The following AMDHD1 variants were observed in gnomAD, a reference collection of about 807,000 sequenced individuals.
AMDHD1 encodes the protein probable imidazolonepropionase.
Under a neutral mutation model 44.1 loss-of-function variants are expected in AMDHD1, and 45 were observed. That is an observed-to-expected ratio of 1.02 (90% CI 0.80 to 1.31). The LOEUF is 1.31. AMDHD1 is among the 50% of genes most tolerant of loss of function. AMDHD1 has a pLI of 0.00. For missense variants in AMDHD1, 586 were observed against 552.1 expected, an observed-to-expected ratio of 1.06 and a Z score of -0.61; for synonymous variants, 206 against 205.0, an observed-to-expected ratio of 1.00 and a Z score of -0.04.
chr12:95,965,915 TAG>T (rs1272088016), intron 7 of AMDHD1, 136 bp downstream of exon 7: 1 of 614,280 alleles, frequency 1.6e-6, no homozygotes, highest in Non-Finnish European at 2.6e-6. Context: ...AAAAAAGGGG[TAG>T]ACAGCAGTGT....
chr12:95,955,074 A>T (rs1263999023), intron 3 of AMDHD1, 99 bp downstream of exon 3: 1 of 1,140,404 alleles, frequency 8.8e-7, no homozygotes, highest in Non-Finnish European at 1.3e-6. Context: ...ATATGTCAAC[A>T]TATTTTTTAA....
intron 4 of AMDHD1, among the ~76,000 whole-genome samples, chr12:95,959,197 A>C (rs1422134279): frequency 3.3e-5 from 5 of 152,230 alleles, no homozygotes; most frequent in Non-Finnish European, 7.3e-5. Flanking sequence ...TATAGGGCTG[A>C]AGTTTCACAG....
At chr12:95,949,337 GCATCATCCTCCTTA>G (rs2080516658) in intron 1 of AMDHD1, among the ~76,000 whole-genome samples, 1 of 151,904 alleles carries the variant, frequency 6.6e-6, no homozygotes. Flanking sequence ...ACTCAAAGAA[GCATCATCCTCCTTA>G]AATCATCATC....
Position 95,952,418 on chromosome 12 carries a change from GT to G in AMDHD1, c.138-293del, listed in dbSNP as rs533055315. Among the ~76,000 whole-genome samples the G allele has an allele frequency of 3.7e-3, 563 of 152,210 alleles. 2 individuals carry two copies. The highest frequency in any genetic ancestry group is 0.013 in the African/African-American group (539 of 41,530). On this transcript the variant is annotated intron_variant, in intron 1 of 8. Coordinates refer to ENST00000266736, the MANE Select transcript of AMDHD1 (RefSeq NM_152435.3). ...TTCTGTTCCACTGGTCTATGTGTCT[GT>G]TTTTTATGCCAGTACCATGCTCTTT... is the stretch of plus-strand genomic sequence containing the variant.
chr12:95,967,736 GTTTT>G lies in AMDHD1; in HGVS notation c.1194-8_1194-5del. 1.0e-5 allele frequency: 13 copies of G among 1,259,360 alleles called. No homozygotes were observed. Among genetic ancestry groups the G allele is most frequent in the Admixed American group, 2.9e-5 (1 of 34,672 alleles). The allele number at this position is 1,259,360 out of a possible 1,614,324, so 78.0% of individuals were successfully genotyped here. A position where few individuals can be genotyped will look rare whatever the true frequency, so the allele number is the denominator to read the frequency against. On this transcript the variant is annotated splice_polypyrimidine_tract_variant and intron_variant, in intron 8 of 8. Coordinates refer to ENST00000266736, the MANE Select transcript of AMDHD1 (RefSeq NM_152435.3). Reference sequence around the variant, plus strand: ...TGCACACATTGAAGTAATATTTGTTGTTTTTTTTTTTTTTTCTAGATGGGAGCAT... The same window carrying G: ...TGCACACATTGAAGTAATATTTGTTGTTTTTTTTTTTCTAGATGGGAGCAT...
Position 95,960,450 on chromosome 12 carries a change from A to G in AMDHD1, c.640A>G (p.Lys214Glu), listed in dbSNP as rs779079130. Residue 214 changes from lysine to glutamate, a missense_variant, in exon 5 of 9, where the codon AAG becomes GAG. By Grantham distance (56) the Lys-to-Glu change is moderately conservative. Transcript: ENST00000266736. ...TGACATCATCAATAACCACCTCCCA[A>G]AGCTGAAGGAACTTGGCAGAAATGG... ...ADDIINNHLP[K>E]LKELGRNGEI... is the part of the protein sequence containing the mutation. 1.2e-6 allele frequency: 2 copies of G among 1,614,176 alleles called. No homozygotes were observed.
chr12:95,945,798 A>G (rs191259579), intron 1 of AMDHD1, among the ~76,000 whole-genome samples: 30 of 151,686 alleles, frequency 2.0e-4, no homozygotes, highest in African/African-American at 6.3e-4. Context: ...TTTTTTTCCC[A>G]ACAAGTATAT....
At chr12:95,953,890 A>G (rs2080536892) in intron 2 of AMDHD1, among the ~76,000 whole-genome samples, 1 of 152,126 alleles carries the variant, frequency 6.6e-6, no homozygotes, top group Non-Finnish European at 1.5e-5. Context: ...CTTCCTTATG[A>G]TTCTTGAGAG....
At chr12:95,963,175 AGGT>A (rs1259369468) in intron 6 of AMDHD1, among the ~76,000 whole-genome samples, 10 of 152,228 alleles carry the variant, frequency 6.6e-5, no homozygotes, top group African/African-American at 2.4e-4. Context: ...TCTTAGGACT[AGGT>A]GCTTTCTGTG....
intron 1 of AMDHD1, among the ~76,000 whole-genome samples, chr12:95,945,149 A>C (rs2080489428): frequency 6.6e-6 from 1 of 152,086 alleles, no homozygotes; most frequent in South Asian, 2.1e-4. Flanking sequence ...TAAATAAATA[A>C]ATACATAAAT....
At chr12:95,957,111 C>A in intron 4 of AMDHD1, 149 bp downstream of exon 4, 1 of 1,122,624 alleles carries the variant, frequency 8.9e-7, no homozygotes, top group South Asian at 1.5e-5. Context: ...ATCCCGCAGA[C>A]TCGGTTTTAG....
At chr12:95,960,286 C>T (rs1011293062) in intron 4 of AMDHD1, 112 bp from the exon 5 acceptor site, 67 of 866,608 alleles carry the variant, frequency 7.7e-5, no homozygotes, top group Admixed American at 1.6e-4. Context: ...CTTTCTGAGG[C>T]TTGAAGTCAT....
chr12:95,965,298 C>CAAAAAA (rs34398121), intron 6 of AMDHD1, among the ~76,000 whole-genome samples: 4 of 94,760 alleles, frequency 4.2e-5, no homozygotes, highest in Non-Finnish European at 8.2e-5. Context: ...GATTCCATCT[C>CAAAAAA]AAAAAAAAAA....
At chr12:95,966,304 G>A in intron 7 of AMDHD1, 44 bp from the exon 8 acceptor site, 2 of 1,605,428 alleles carry the variant, frequency 1.2e-6, no homozygotes, top group African/African-American at 1.3e-5. Context: ...AATTGCAGTT[G>A]CCATATGTCA....
In AMDHD1 at chr12:95,960,581, T is replaced by G. The variant is rs2080576169; in HGVS notation, c.771T>G (p.Ile257Met). 1 of 1,614,224 alleles carries G rather than the reference T, an allele frequency of 6.2e-7. No homozygotes were observed. Among genetic ancestry groups the G allele is most frequent in the Non-Finnish European group, 8.5e-7 (1 of 1,180,028 alleles). Reference protein sequence around the residue: ...LQRGKDIGLQINFHGDELHPM... With the variant: ...LQRGKDIGLQMNFHGDELHPM... ...GTGGAAAAGATATAGGGTTACAGAT[T>G]AACTTCCATGGGGATGAACTCCACC... Residue 257 changes from isoleucine (I) to methionine (M), a missense_variant, in exon 5 of 9, where the codon ATT becomes ATG. Coordinates refer to ENST00000266736, the MANE Select transcript of AMDHD1 (RefSeq NM_152435.3).
At chr12:95,956,327 C>T (rs2080549340) in intron 3 of AMDHD1, among the ~76,000 whole-genome samples, 1 of 152,196 alleles carries the variant, frequency 6.6e-6, no homozygotes, top group African/African-American at 2.4e-5. Context: ...TCAGGCTGTT[C>T]TTGAACTCCT....
At chr12:95,943,561 G>A in intron 1 of AMDHD1, 26 bp downstream of exon 1, 2 of 1,418,630 alleles carry the variant, frequency 1.4e-6, no homozygotes, top group South Asian at 1.5e-5. Context: ...CGCAGGGTGG[G>A]GACCGCCACG....
chr12:95,949,160 GAAAAAAA>G, intron 1 of AMDHD1, among the ~76,000 whole-genome samples: 1 of 101,774 alleles, frequency 9.8e-6, no homozygotes, highest in Non-Finnish European at 2.2e-5. Flanking sequence ...AAAAAAAAAA[GAAAAAAA>G]AAAAAAAAAA....
chr12:95,962,559 A>AT, intron 6 of AMDHD1, 80 bp downstream of exon 6: 1 of 1,435,864 alleles, frequency 7.0e-7, no homozygotes, highest in Non-Finnish European at 9.3e-7. Flanking sequence ...CCCAGACATT[A>AT]TTTCATTGCC....
Sources: allele counts gnomAD v4.1 joint callset (sites outside exome capture counted in the v4.1 genomes callset), GRCh38; gene constraint gnomAD v4.1.1; transcripts MANE v1.5; gene names NCBI Gene and HGNC (gene_info 2026-07-23, HGNC 2026-07-21).